TNRC6C: variants seen among roughly 807,000 people sequenced by gnomAD.
The protein encoded by TNRC6C is trinucleotide repeat-containing gene 6C protein.
TNRC6C carries 20 observed loss-of-function variants against 153.7 expected under a neutral mutation model. The observed-to-expected ratio is 0.13, with a 90% CI of 0.09 to 0.19. The LOEUF (loss-of-function observed/expected upper bound fraction) is 0.19, where lower values mean the gene tolerates loss of function less well. TNRC6C is among the 10% of genes least tolerant of loss of function. The pLI, the probability that TNRC6C is intolerant of heterozygous loss-of-function variation, is 1.00. For synonymous variants in TNRC6C, 811 were observed against 841.4 expected, an observed-to-expected ratio of 0.96 and a Z score of 0.63; for missense variants, 1,987 against 2,172.0, an observed-to-expected ratio of 0.91 and a Z score of 1.69.
At chr17:77,979,278 CAT>C (rs1449430232) in intron 1 of TNRC6C, among the ~76,000 whole-genome samples, 1 of 152,170 alleles carries the variant, frequency 6.6e-6, no homozygotes, top group African/African-American at 2.4e-5. Context: ...AATTTTTTAA[CAT>C]AAAGACATTT....
chr17:78,032,449 TC>T (rs1284046023), intron 2 of TNRC6C, among the ~76,000 whole-genome samples: 4 of 152,234 alleles, frequency 2.6e-5, no homozygotes, highest in Non-Finnish European at 4.4e-5. Flanking sequence ...CAGCTTCTTT[TC>T]CAATCTCCTT....
chr17:78,077,155 A>G, intron 8 of TNRC6C, 30 bp from the exon 11 acceptor site: 3 of 1,590,468 alleles, frequency 1.9e-6, no homozygotes, highest in African/African-American at 1.3e-5. Context: ...TGGACACTGC[A>G]CACAGCTCAC....
intron 5 of TNRC6C, among the ~76,000 whole-genome samples, chr17:78,068,638 A>G (rs1345018177): frequency 2.0e-5 from 3 of 152,192 alleles, no homozygotes; most frequent in Non-Finnish European, 2.9e-5. Flanking sequence ...TACTAAAAAT[A>G]CAAAAACTAG....
At chr17:78,101,359 C>A (rs2073591253) in intron 17 of TNRC6C, among the ~76,000 whole-genome samples, 1 of 152,170 alleles carries the variant, frequency 6.6e-6, no homozygotes, top group Admixed American at 6.6e-5. Context: ...TCCTTATCAG[C>A]AATTTGTCAA....
chr17:77,976,950 A>AAAC (rs2071008628), intron 1 of TNRC6C, among the ~76,000 whole-genome samples: 1 of 149,924 alleles, frequency 6.7e-6, no homozygotes, highest in African/African-American at 2.4e-5. Flanking sequence ...AAAAAAAAAA[A>AAAC]AAAAAAAAAA....
intron 16 of TNRC6C, among the ~76,000 whole-genome samples, chr17:78,094,940 A>G (rs1364438007): frequency 2.0e-5 from 3 of 152,302 alleles, no homozygotes; most frequent in Middle Eastern, 3.4e-3. Flanking sequence ...TGGTGCAGGA[A>G]AAGGAGCCGT....
chr17:78,012,500 CT>C (rs201928909), intron 1 of TNRC6C, among the ~76,000 whole-genome samples: 2 of 152,006 alleles, frequency 1.3e-5, no homozygotes, highest in South Asian at 4.2e-4. Context: ...AAAATAAAGG[CT>C]TTTTTAAAAA....
At chr17:78,030,820 C>T (rs1427604663) in intron 1 of TNRC6C, among the ~76,000 whole-genome samples, 1 of 152,074 alleles carries the variant, frequency 6.6e-6, no homozygotes, top group South Asian at 2.1e-4. Context: ...AAATTCCGGC[C>T]GGGCATGGTG....
chr17:77,988,470 C>G (rs2071204172), intron 1 of TNRC6C, among the ~76,000 whole-genome samples: 1 of 152,220 alleles, frequency 6.6e-6, no homozygotes, highest in Non-Finnish European at 1.5e-5. Context: ...ATCTGTGAAT[C>G]TGTTCTCACA....
rs1023843625 is a variant in TNRC6C at position 78,104,144 on chromosome 17, C to T, written c.4713-341C>T. On this transcript the variant is annotated intron_variant, in intron 19 of 19. Transcript: ENST00000301624. The surrounding 1 kb of genome is among the most constrained non-coding windows in gnomAD (Gnocchi z 6.2). Reference sequence around the variant, plus strand: ...TGAAAGGTTGCTTTTGATAGAAGTACGAGTAGACCTGATCAGTAACATCAC... The same window carrying T: ...TGAAAGGTTGCTTTTGATAGAAGTATGAGTAGACCTGATCAGTAACATCAC... 2.6e-5 allele frequency among the ~76,000 whole-genome samples: 4 copies of T among 152,172 alleles called. No homozygotes were observed. The highest frequency in any genetic ancestry group is 9.7e-5 in the African/African-American group (4 of 41,434).
chr17:77,992,077 A>G (rs1027535741), intron 1 of TNRC6C, among the ~76,000 whole-genome samples: 1 of 152,210 alleles, frequency 6.6e-6, no homozygotes, highest in Non-Finnish European at 1.5e-5. Context: ...TGCTGAGTAA[A>G]TGACAGCTCT....
At chr17:77,958,405 C>T (rs917188599), upstream of TNRC6C, among the ~76,000 whole-genome samples, 3 of 151,910 alleles carry the variant, frequency 2.0e-5, no homozygotes, top group Non-Finnish European at 4.4e-5. Context: ...CCACTCGGAG[C>T]GCGCACCGCT....
intron 12 of TNRC6C, 43 bp from the exon 15 acceptor site, chr17:78,086,810 T>C (rs769906951): frequency 1.1e-5 from 18 of 1,601,096 alleles, no homozygotes; most frequent in African/African-American, 9.4e-5. Flanking sequence ...GCCATGAGTG[T>C]CCCTTCCCAC....
intron 16 of TNRC6C, among the ~76,000 whole-genome samples, chr17:78,093,966 T>A (rs2073437495): frequency 6.6e-6 from 1 of 151,108 alleles, no homozygotes; most frequent in Non-Finnish European, 1.5e-5. Context: ...TTCTGCTGGA[T>A]TTTTTATTAT....
chr17:77,988,214 A>C (rs1328941256), intron 1 of TNRC6C, among the ~76,000 whole-genome samples: 1 of 152,092 alleles, frequency 6.6e-6, no homozygotes, highest in Non-Finnish European at 1.5e-5. Context: ...TCTCTACAAA[A>C]AATTAAAAAA....
chr17:77,987,037 G>A (rs1390172865), intron 1 of TNRC6C, among the ~76,000 whole-genome samples: 1 of 152,154 alleles, frequency 6.6e-6, no homozygotes, highest in Non-Finnish European at 1.5e-5. Context: ...AATTTGATTA[G>A]CGTTTAAAAC....
At chr17:78,082,120 C>G (rs898318371) in intron 10 of TNRC6C, among the ~76,000 whole-genome samples, 1 of 150,640 alleles carries the variant, frequency 6.6e-6, no homozygotes, top group African/African-American at 2.5e-5. Context: ...AGGGCTCTTT[C>G]TTTGTTCCCA....
chr17:77,973,395 G>A (rs183371817), intron 1 of TNRC6C, among the ~76,000 whole-genome samples: 39 of 152,250 alleles, frequency 2.6e-4, no homozygotes, highest in African/African-American at 8.2e-4. Flanking sequence ...AATATTATAC[G>A]GAAGAGTGAA....
chr17:78,102,157 G>T (rs903444842), intron 17 of TNRC6C, among the ~76,000 whole-genome samples: 19 of 152,308 alleles, frequency 1.2e-4, no homozygotes, highest in Non-Finnish European at 2.5e-4. Flanking sequence ...GAGGTGGAGA[G>T]CAGAGCTTCC....
Sources: gnomAD v4.1 joint callset for allele counts (sites outside exome capture counted in the v4.1 genomes callset) on GRCh38, gnomAD v4.1.1 for gene constraint, Gnocchi (gnomAD v3.1) non-coding constraint, MANE v1.5 for transcripts, NCBI Gene and HGNC (gene_info 2026-07-23, HGNC 2026-07-21) for gene names.